DCAF13: variants seen among roughly 807,000 people sequenced by gnomAD.
The protein encoded by DCAF13 is DDB1 and CUL4 associated factor 13.
A neutral mutation model predicts 59.0 loss-of-function variants in DCAF13; 38 were observed. The observed-to-expected ratio is 0.64, with a 90% CI of 0.50 to 0.84. The LOEUF (loss-of-function observed/expected upper bound fraction) is 0.84, where lower values mean the gene tolerates loss of function less well. Ranked by LOEUF, DCAF13 falls within the 40% of genes least tolerant of loss-of-function variation. DCAF13 has a pLI of 0.00. For missense variants in DCAF13, 469 were observed against 558.4 expected, an observed-to-expected ratio of 0.84 and a Z score of 1.61; for synonymous variants, 173 against 175.0, an observed-to-expected ratio of 0.99 and a Z score of 0.09.
At chr8:103,427,641 G>A (rs185281713) in intron 5 of DCAF13, 1 of 199,044 alleles carries the variant, frequency 5.0e-6, no homozygotes, top group Non-Finnish European at 1.0e-5. Context: ...AGGAGCATTG[G>A]ACATCATTTT....
chr8:103,440,389 G>A (rs1816994143), intron 9 of DCAF13, 118 bp downstream of exon 9: 4 of 918,766 alleles, frequency 4.4e-6, no homozygotes, highest in Non-Finnish European at 6.2e-6. Flanking sequence ...TGACATAGCT[G>A]TGATAAAAAA....
rs1183906388 is a variant in DCAF13, at chr8:103,435,883, G to A, written c.950+93G>A. 6.1e-6 allele frequency: 8 copies of A among 1,305,790 alleles called. No homozygotes were observed. In the Admixed American group the frequency reaches 1.2e-4, roughly 20 times the overall value. The allele number at this position is 1,305,790 out of a possible 1,614,324, so 80.9% of individuals were successfully genotyped here. ...TGAGTCATTGGGCGATTTCATCATT[G>A]TGTGAACATCATCAGAGTGCACTTA... On this transcript the variant is annotated intron_variant, in intron 8 of 10. Transcript: ENST00000612750.
chr8:103,435,789 A>G lies in DCAF13; in HGVS notation c.949A>G (p.Arg317Gly). The G allele has an allele frequency of 6.2e-7, 1 of 1,613,370 alleles. No homozygotes were observed. Among genetic ancestry groups the G allele is most frequent in the East Asian group, 2.2e-5 (1 of 44,866 alleles). The change falls in exon 8 of 11, where the codon AGG becomes GGG. Residue 317 changes from arginine (R) to glycine (G), a missense_variant and splice_region_variant. Arg to Gly is a moderately radical substitution (Grantham distance 125). Coordinates refer to ENST00000612750, the MANE Select transcript of DCAF13 (RefSeq NM_015420.7). ...RIFPVDKSRS[R>G]EVYHTKRMQH... ...CTTTCCTGTAGACAAAAGTCGAAGCAGGTATGTGCCTACCAGTAAGCCATT... is the reference window on the plus strand; with the variant it reads ...CTTTCCTGTAGACAAAAGTCGAAGCGGGTATGTGCCTACCAGTAAGCCATT...
intron 8 of DCAF13, 146 bp downstream of exon 8, chr8:103,435,936 C>A: frequency 1.3e-6 from 1 of 761,004 alleles, no homozygotes; most frequent in Non-Finnish European, 2.2e-6. Flanking sequence ...TAACGTGTTG[C>A]ACACCTAGGC....
chr8:103,430,721 A>G lies in DCAF13; in HGVS notation c.702+32A>G, dbSNP rs768726446. ...TTCAGTTTTGACTTTTGCTTTATAC[A>G]GTTGGCATTATATATTTCTCTGTAA... On this transcript the variant is annotated intron_variant, in intron 6 of 10. Transcript: ENST00000612750. 46 of 1,481,796 alleles carry G rather than the reference A, an allele frequency of 3.1e-5. 1 individual carries two copies. The South Asian group carries it at 4.8e-4, about 16-fold the overall frequency. 91.8% of individuals were successfully genotyped at this position (1,481,796 alleles called of 1,614,324 possible). A position where few individuals can be genotyped will look rare whatever the true frequency, so the allele number is the denominator to read the frequency against.
Position 103,442,842 on chromosome 8 carries a change from T to C in DCAF13, c.1298T>C (p.Val433Ala). 6.2e-7 allele frequency: 1 copy of C among 1,607,986 alleles called. No homozygotes were observed. The highest frequency in any genetic ancestry group is 8.5e-7 in the Non-Finnish European group (1 of 1,178,280). The change falls in exon 11 of 11, where the codon GTG becomes GCG. Residue 433 changes from valine to alanine, a missense_variant. By Grantham distance (64) the Val-to-Ala change is moderately conservative. Around this residue, in one of 3 missense-constraint regions of DCAF13, gnomAD observed 84 missense variants for 92.3 expected, o/e 0.91. Transcript: ENST00000612750. ...AGCAAGCCTGGATCTGTGCCACTTG[T>C]GTCAGAGAAGAAGAAACACGTAGTG... ...KHSKPGSVPL[V>A]SEKKKHVVAV...
In DCAF13 at chr8:103,430,662, T is replaced by C. The variant is rs1816851479; in HGVS notation, c.675T>C (p.Asp225=). Reference sequence around the variant, plus strand: ...CTGACAGGAATATAGTACTGTACGATATGAGGCAAGCTACTCCTTTGAAAA... The same window carrying C: ...CTGACAGGAATATAGTACTGTACGACATGAGGCAAGCTACTCCTTTGAAAA... ...CASDRNIVLY[D]MRQATPLKKV... Residue 225 remains aspartate (D), a synonymous_variant, in exon 6 of 11, where the codon GAT becomes GAC. Coordinates refer to ENST00000612750, the MANE Select transcript of DCAF13 (RefSeq NM_015420.7). 9 of 1,610,150 alleles carry C rather than the reference T, an allele frequency of 5.6e-6. No individual in the cohort carries two copies. The highest frequency in any genetic ancestry group is 6.8e-6 in the Non-Finnish European group (8 of 1,178,080).
intron 3 of DCAF13, among the ~76,000 whole-genome samples, chr8:103,424,235 G>T (rs906429531): frequency 1.3e-5 from 2 of 151,980 alleles, no homozygotes; most frequent in African/African-American, 4.8e-5. Flanking sequence ...CACCGTGTTA[G>T]CCATGATGGT....
Position 103,440,542 on chromosome 8 carries a change from G to GT in DCAF13, c.1086+277dup, listed in dbSNP as rs1170332763. On this transcript the variant is annotated intron_variant, in intron 9 of 10. Coordinates refer to ENST00000612750, the MANE Select transcript of DCAF13 (RefSeq NM_015420.7). ...TGTTTGATAATATTGAGTCTTACTG[G>GT]TTTTTTGTGTTTTCCTTGAGGTAGG... is the stretch of plus-strand genomic sequence containing the variant. The GT allele has an allele frequency of 8.2e-5, 17 of 207,806 alleles. No homozygotes were observed. In the East Asian group the frequency reaches 1.8e-3, roughly 22 times the overall value. 12.9% of individuals were successfully genotyped at this position (207,806 alleles called of 1,614,324 possible).
In DCAF13 at chr8:103,438,420, GA is replaced by G. The variant is rs1280133353; in HGVS notation, c.951-1715del. ...ACCAGTTTTGTGAGTATAGTCGAGA[GA>G]TTTTTTTTTTTTTTTTTGAGACAGA... On this transcript the variant is annotated intron_variant, in intron 8 of 10. Transcript: ENST00000612750. Among the ~76,000 whole-genome samples, 9 of 144,058 alleles carry G rather than the reference GA, an allele frequency of 6.2e-5. No individual in the cohort carries two copies. In the East Asian group the frequency reaches 6.4e-4, roughly 10 times the overall value. The allele number at this position is 144,058 out of a possible 152,430, so 94.5% of individuals were successfully genotyped here. A position where few individuals can be genotyped will look rare whatever the true frequency, so the allele number is the denominator to read the frequency against.
chr8:103,441,268 A>C (rs1305073447), intron 9 of DCAF13, 187 bp from the exon 10 acceptor site: 1 of 513,922 alleles, frequency 1.9e-6, no homozygotes, highest in East Asian at 3.7e-5. Context: ...TGTGTTGCCT[A>C]AAAGGAAATT....
rs1391528776 is a variant in DCAF13, at chr8:103,417,760, A to G, written c.70+2244A>G. ...AATGGGGCACACAGAAAGTTTGAAG[A>G]CTACTATATAGGGAGCCTTTGGAAG... On this transcript the variant is annotated intron_variant, in intron 1 of 10. Coordinates refer to ENST00000612750, the MANE Select transcript of DCAF13 (RefSeq NM_015420.7). 2.0e-5 allele frequency among the ~76,000 whole-genome samples: 3 copies of G among 152,074 alleles called. No homozygotes were observed. The East Asian group carries it at 5.8e-4, about 29-fold the overall frequency.
intron 7 of DCAF13, among the ~76,000 whole-genome samples, chr8:103,434,579 CT>C (rs1169919383): frequency 2.0e-5 from 3 of 151,842 alleles, no homozygotes; most frequent in East Asian, 1.9e-4. Context: ...TAAAGAGTTA[CT>C]TTTTTTTCCT....
At position 103,421,026 on chromosome 8, in the gene DCAF13, C is replaced by T. The variant is rs144660563; in HGVS notation, c.322C>T (p.His108Tyr). The part of the protein sequence containing the change: ...QRNCIRTIQA[H>Y]EGFVRGICTR... ...GAATTGTATCCGTACAATACAAGCA[C>T]ATGAAGGCTTTGTACGAGGAATATG... The change falls in exon 3 of 11, where the codon CAT (histidine) becomes TAT (tyrosine). Residue 108 changes from histidine to tyrosine, a missense_variant. His to Tyr is a moderately conservative substitution (Grantham distance 83). Transcript: ENST00000612750. 1.2e-6 allele frequency: 2 copies of T among 1,613,814 alleles called. No individual in the cohort carries two copies. Among genetic ancestry groups the T allele is most frequent in the Non-Finnish European group, 1.7e-6 (2 of 1,179,836 alleles).
chr8:103,418,890 T>A lies in DCAF13; in HGVS notation c.71-1374T>A, dbSNP rs1418931104. On this transcript the variant is annotated intron_variant, in intron 1 of 10. Transcript: ENST00000612750. Reference sequence around the variant, plus strand: ...TATTTTTTTTTTTTTTTTTTTTTTTTTTTTTTTTTTTGAGATGAAGTCACA... The same window carrying A: ...TATTTTTTTTTTTTTTTTTTTTTTTATTTTTTTTTTTGAGATGAAGTCACA... 1.0e-3 allele frequency among the ~76,000 whole-genome samples: 91 copies of A among 87,116 alleles called. 1 individual carries two copies. The highest frequency in any genetic ancestry group is 3.6e-3 in the African/African-American group (86 of 23,870). The allele number at this position is 87,116 out of a possible 152,430, so 57.2% of individuals were successfully genotyped here. A position where few individuals can be genotyped will look rare whatever the true frequency, so the allele number is the denominator to read the frequency against.
rs1448717276 is a variant in DCAF13 at position 103,418,860 on chromosome 8, ATATATATTTTTTTTTTTTTTTTTT to A, written c.71-1402_71-1379del. Among the ~76,000 whole-genome samples, 3 of 34,616 alleles carry A rather than the reference ATATATATTTTTTTTTTTTTTTTTT, an allele frequency of 8.7e-5. No homozygotes were observed. In the East Asian group the frequency reaches 2.6e-3, roughly 30 times the overall value. The allele number at this position is 34,616 out of a possible 152,430, so 22.7% of individuals were successfully genotyped here. On this transcript the variant is annotated intron_variant, in intron 1 of 10. Coordinates refer to ENST00000612750, the MANE Select transcript of DCAF13 (RefSeq NM_015420.7). ...TATATATATATATATATATATATAT[ATATATATTTTTTTTTTTTTTTTTT>A]TTTTTTTTTTTTTTTTTGAGATGAA...
intron 9 of DCAF13, 100 bp from the exon 10 acceptor site, chr8:103,441,355 A>G (rs1817007973): frequency 3.4e-6 from 4 of 1,168,606 alleles, no homozygotes; most frequent in Non-Finnish European, 4.7e-6. Context: ...GTTGCATATC[A>G]TAAAAGATTA....
At chr8:103,418,176 C>T (rs753941143) in intron 1 of DCAF13, among the ~76,000 whole-genome samples, 3 of 151,882 alleles carry the variant, frequency 2.0e-5, no homozygotes, top group Non-Finnish European at 4.4e-5. Context: ...AAATTGCCGC[C>T]AAATCAAGTA....
At chr8:103,420,163 T>C (rs1816702681) in intron 1 of DCAF13, 101 bp from the exon 2 acceptor site, 2 of 1,030,464 alleles carry the variant, frequency 1.9e-6, no homozygotes, top group Admixed American at 2.2e-5. Context: ...CATAGAACAA[T>C]GTCACTAACT....
Sources: allele counts gnomAD v4.1 joint callset (sites outside exome capture counted in the v4.1 genomes callset), GRCh38; gene constraint gnomAD v4.1.1; regional missense constraint gnomAD v4.1.1; transcripts MANE v1.5; gene names NCBI Gene and HGNC (gene_info 2026-07-23, HGNC 2026-07-21).